Variants in PTCHD4 observed in about 807,000 individuals in gnomAD.
PTCHD4 encodes patched domain-containing protein 4.
PTCHD4 carries 33 observed loss-of-function variants against 58.1 expected under a neutral mutation model. The observed-to-expected ratio is 0.57, with a 90% confidence interval of 0.43 to 0.76. The LOEUF (loss-of-function observed/expected upper bound fraction) is 0.76, where lower values mean the gene tolerates loss of function less well. Ranked by LOEUF, PTCHD4 falls within the 30% of genes least tolerant of loss-of-function variation. The probability of loss-of-function intolerance (pLI) is 0.00; values close to 1 mark genes in which losing one functional copy is unlikely to be tolerated. For synonymous variants in PTCHD4, 478 were observed against 409.6 expected (o/e 1.17, Z -2.02); for missense variants, 1,058 against 1,027.1 (o/e 1.03, Z -0.41).
At chr6:47,890,526 G>T (rs1764344903) in intron 4 of PTCHD4, among the ~76,000 whole-genome samples, 2 of 152,176 alleles carry the variant, frequency 1.3e-5, no homozygotes, top group African/African-American at 4.8e-5. Context: ...GGGATTGTTA[G>T]GCGTTTTAGA....
At chr6:48,075,945 T>C (rs1562041026) in intron 1 of PTCHD4, among the ~76,000 whole-genome samples, 1 of 152,236 alleles carries the variant, frequency 6.6e-6, no homozygotes, top group African/African-American at 2.4e-5. Flanking sequence ...CTCTTGACTT[T>C]TCCTTTCATG....
intron 1 of PTCHD4, among the ~76,000 whole-genome samples, chr6:48,103,799 T>C (rs1034611921): frequency 6.6e-6 from 1 of 152,106 alleles, no homozygotes; most frequent in Non-Finnish European, 1.5e-5. Flanking sequence ...AACTACGTGA[T>C]GAATGCACAA....
At chr6:47,970,714 G>C (rs529564531) in intron 4 of PTCHD4, among the ~76,000 whole-genome samples, 1 of 152,234 alleles carries the variant, frequency 6.6e-6, no homozygotes, top group African/African-American at 2.4e-5. Context: ...TTTTGTTCCT[G>C]TTAACAGATG....
intron 4 of PTCHD4, among the ~76,000 whole-genome samples, chr6:47,890,594 T>C (rs1377738456): frequency 6.6e-6 from 1 of 152,204 alleles, no homozygotes; most frequent in Non-Finnish European, 1.5e-5. Context: ...AAAAGCACAG[T>C]GCTGCCAACT....
chr6:48,033,059 A>G (rs765019901), intron 3 of PTCHD4, among the ~76,000 whole-genome samples: 15 of 152,238 alleles, frequency 9.9e-5, no homozygotes, highest in Admixed American at 3.3e-4. Flanking sequence ...TCTTTTCTGA[A>G]CAGAAAAGGA....
chr6:48,061,319 T>C (rs1219146206), intron 3 of PTCHD4, among the ~76,000 whole-genome samples: 1 of 152,152 alleles, frequency 6.6e-6, no homozygotes, highest in East Asian at 1.9e-4. Flanking sequence ...CTGTAGATGA[T>C]AGGGATGAGG....
At chr6:47,899,200 A>T (rs1014056978) in intron 4 of PTCHD4, among the ~76,000 whole-genome samples, 2 of 152,188 alleles carry the variant, frequency 1.3e-5, no homozygotes, top group Non-Finnish European at 2.9e-5. Flanking sequence ...GCATAGTTAG[A>T]TATTTCTTAG....
chr6:47,980,593 C>A (rs147899452), intron 4 of PTCHD4, among the ~76,000 whole-genome samples: 1 of 151,978 alleles, frequency 6.6e-6, no homozygotes, highest in African/African-American at 2.4e-5. Context: ...TTGATAACTT[C>A]AATGTTATCA....
chr6:47,954,644 G>A (rs1027798723), intron 4 of PTCHD4, among the ~76,000 whole-genome samples: 1 of 152,112 alleles, frequency 6.6e-6, no homozygotes, highest in South Asian at 2.1e-4. Context: ...TTTAATATAT[G>A]CCATTACTGG....
rs528645030 is a variant in PTCHD4, at chr6:48,092,565, C to A, written c.-970+18484G>T. ...TGATAGCTCATTGACTACTCTCAGGCAAAATGAGAAAAATCAAATTAATAA... is the reference window on the plus strand; with the variant it reads ...TGATAGCTCATTGACTACTCTCAGGAAAAATGAGAAAAATCAAATTAATAA... On this transcript the variant is annotated intron_variant, in intron 1 of 4. Coordinates refer to ENST00000339488, the MANE Select transcript of PTCHD4 (RefSeq NM_001384253.1). 2.0e-4 allele frequency among the ~76,000 whole-genome samples: 30 copies of A among 152,118 alleles called. No individual in the cohort carries two copies. The South Asian group carries it at 4.2e-3, about 21-fold the overall frequency.
intron 1 of PTCHD4, among the ~76,000 whole-genome samples, chr6:48,088,239 C>T (rs976730195): frequency 5.3e-5 from 8 of 152,048 alleles, no homozygotes; most frequent in African/African-American, 1.7e-4. Context: ...TAGTGTGCCC[C>T]GTTTGGAAGG....
intron 1 of PTCHD4, among the ~76,000 whole-genome samples, chr6:48,103,777 C>A (rs886330313): frequency 6.6e-6 from 1 of 152,090 alleles, no homozygotes; most frequent in African/African-American, 2.4e-5. Context: ...GAGCTGAAAA[C>A]CAAGGCACCA....
rs1169864411 is a variant in PTCHD4, at chr6:47,860,349, G to A, written c.*17954C>T. Among the ~76,000 whole-genome samples the A allele has an allele frequency of 6.6e-6, 1 of 151,976 alleles. No homozygotes were observed. Among genetic ancestry groups the A allele is most frequent in the Non-Finnish European group, 1.5e-5 (1 of 67,952 alleles). On this transcript the variant is annotated 3_prime_UTR_variant, in exon 5 of 5. Transcript: ENST00000339488. Reference sequence around the variant, plus strand: ...TATATAAAACTGTCAATTAAGAAAAGACAAAGAAATATATGACTCTAAAAA... The same window carrying A: ...TATATAAAACTGTCAATTAAGAAAAAACAAAGAAATATATGACTCTAAAAA...
chr6:47,921,216 T>C (rs761264427), intron 4 of PTCHD4, among the ~76,000 whole-genome samples: 22 of 152,316 alleles, frequency 1.4e-4, no homozygotes, highest in Admixed American at 9.8e-4. Context: ...TATTCAGCAT[T>C]TTTTTCTTTT....
At chr6:47,984,684 C>T (rs776277498) in intron 4 of PTCHD4, among the ~76,000 whole-genome samples, 1 of 151,854 alleles carries the variant, frequency 6.6e-6, no homozygotes, top group Admixed American at 6.6e-5. Flanking sequence ...TAAATATACC[C>T]ATGGGCACAG....
intron 3 of PTCHD4, among the ~76,000 whole-genome samples, chr6:48,031,236 C>T (rs990231156): frequency 8.6e-5 from 13 of 152,028 alleles, no homozygotes; most frequent in African/African-American, 3.1e-4. Context: ...GTTTAAACAT[C>T]CTAGTTTGCC....
intron 3 of PTCHD4, among the ~76,000 whole-genome samples, chr6:48,009,730 G>A (rs1762601324): frequency 6.6e-6 from 1 of 152,166 alleles, no homozygotes; most frequent in African/African-American, 2.4e-5. Context: ...TAAATATGAT[G>A]TGAACACCTA....
chr6:48,106,653 A>G (rs1350668888), intron 1 of PTCHD4, among the ~76,000 whole-genome samples: 1 of 152,218 alleles, frequency 6.6e-6, no homozygotes, highest in Non-Finnish European at 1.5e-5. Flanking sequence ...GAAAAGAGGA[A>G]GTCAAATTGT....
rs180803198 is a variant in PTCHD4, at chr6:48,020,494, G to T, written c.418-11380C>A. Among the ~76,000 whole-genome samples, 18 of 151,592 alleles carry T rather than the reference G, an allele frequency of 1.2e-4. No individual in the cohort carries two copies. In the East Asian group the frequency reaches 3.3e-3, roughly 28 times the overall value. ...ATTAGGTTGCTGCAAAAGTAATTGC[G>T]GTTTTTGCTACTTTCGTTGGCAAAA... On this transcript the variant is annotated intron_variant, in intron 3 of 4. Transcript: ENST00000339488.
Sources: allele counts gnomAD v4.1 joint callset (sites outside exome capture counted in the v4.1 genomes callset), GRCh38; gene constraint gnomAD v4.1.1; transcripts MANE v1.5; gene names NCBI Gene and HGNC (gene_info 2026-07-23, HGNC 2026-07-21).